SLC7A8: variants seen among roughly 807,000 people sequenced by gnomAD.
The protein encoded by SLC7A8 is large neutral amino acids transporter small subunit 2.
Under a neutral mutation model 51.2 loss-of-function variants are expected in SLC7A8, and 30 were observed. The ratio of observed to expected loss-of-function variants is 0.59; its 90% CI spans 0.44 to 0.80. The LOEUF (loss-of-function observed/expected upper bound fraction) is 0.80. Ranked by LOEUF, SLC7A8 falls within the 30% of genes least tolerant of loss-of-function variation. SLC7A8 has a pLI of 0.00. For synonymous variants in SLC7A8, 257 were observed against 275.8 expected, an observed-to-expected ratio of 0.93 and a Z score of 0.67; for missense variants, 612 against 674.4, an observed-to-expected ratio of 0.91 and a Z score of 1.03.
At chr14:23,135,869 A>T (rs2048685803) in intron 7 of SLC7A8, among the ~76,000 whole-genome samples, 1 of 152,196 alleles carries the variant, frequency 6.6e-6, no homozygotes, top group African/African-American at 2.4e-5. Context: ...TCTATTATAT[A>T]CATATGAATA....
Position 23,138,037 on chromosome 14 carries a change from C to A in SLC7A8, c.913-13G>T, listed in dbSNP as rs1015089. On this transcript the variant is annotated splice_polypyrimidine_tract_variant and intron_variant, in intron 6 of 10. Coordinates refer to ENST00000316902, the MANE Select transcript of SLC7A8 (RefSeq NM_012244.4). ...TCTCTCCAAAAGTCTGGGAGAGGAA[C>A]CAAGGAGATAAGCAAAGGAGAGGTC... 611,596 of 1,613,194 alleles carry A rather than the reference C, an allele frequency of 0.38. 118,185 individuals are homozygous for A. Among genetic ancestry groups the A allele is most frequent in the South Asian group, 0.47 (42,985 of 91,062 alleles).
At chr14:23,127,901 G>A (rs1161769074) in intron 10 of SLC7A8, 118 bp downstream of exon 10, 8 of 858,220 alleles carry the variant, frequency 9.3e-6, no homozygotes, top group Non-Finnish European at 1.5e-5. Context: ...AGGGCTCTGT[G>A]GACTGAGGAG....
At chr14:23,134,018 G>A (rs6572985) in intron 7 of SLC7A8, among the ~76,000 whole-genome samples, 87,832 of 151,694 alleles carry the variant, frequency 0.58, 25,998 homozygotes, top group Middle Eastern at 0.68. Flanking sequence ...ATGGCTCACT[G>A]TAGCCTTGAC....
chr14:23,179,082 T>A (rs1301722117), intron 1 of SLC7A8, among the ~76,000 whole-genome samples: 1 of 152,126 alleles, frequency 6.6e-6, no homozygotes, highest in African/African-American at 2.4e-5. Context: ...TTAGTCATTA[T>A]GCTTTTACCT....
intron 1 of SLC7A8, among the ~76,000 whole-genome samples, chr14:23,174,714 TC>T (rs1458461967): frequency 1.3e-5 from 2 of 152,214 alleles, no homozygotes. Flanking sequence ...CTGCTCCCAC[TC>T]CTGCAGCAGA....
intron 3 of SLC7A8, among the ~76,000 whole-genome samples, chr14:23,155,857 CAGA>C (rs1412802336): frequency 6.6e-6 from 1 of 152,098 alleles, no homozygotes; most frequent in Non-Finnish European, 1.5e-5. Context: ...GTTCTTGGAC[CAGA>C]AGGCTTGTAG....
chr14:23,155,698 A>C (rs953759403), intron 3 of SLC7A8, among the ~76,000 whole-genome samples: 1 of 151,724 alleles, frequency 6.6e-6, no homozygotes, highest in African/African-American at 2.4e-5. Flanking sequence ...TCACACACCA[A>C]TTCTCAGGGC....
chr14:23,139,273 C>T, intron 6 of SLC7A8, 151 bp downstream of exon 6: 2 of 1,222,808 alleles, frequency 1.6e-6, no homozygotes, highest in Admixed American at 1.8e-5. Context: ...AAAGATACCC[C>T]AGCCAATGAC....
Position 23,158,929 on chromosome 14 carries a change from AT to A in SLC7A8, c.508+6355del, listed in dbSNP as rs2048907772. Among the ~76,000 whole-genome samples the A allele has an allele frequency of 2.6e-5, 4 of 152,132 alleles. No individual in the cohort carries two copies. The South Asian group carries it at 8.3e-4, about 32-fold the overall frequency. ...TTCTTTCCCAAATGTGAACCTAATC[AT>A]GTGACTCCTCTGCTCAAAATCTTTC... On this transcript the variant is annotated intron_variant, in intron 3 of 10. Transcript: ENST00000316902.
At chr14:23,164,821 A>G (rs894357799) in intron 3 of SLC7A8, among the ~76,000 whole-genome samples, 1 of 151,952 alleles carries the variant, frequency 6.6e-6, no homozygotes, top group Non-Finnish European at 1.5e-5. Flanking sequence ...GTGAAACCCC[A>G]TCTCTACAAA....
At chr14:23,139,367 G>A in intron 6 of SLC7A8, 57 bp downstream of exon 6, 1 of 1,611,294 alleles carries the variant, frequency 6.2e-7, no homozygotes, top group Non-Finnish European at 8.5e-7. Context: ...TGGGGCTACA[G>A]CAGGCAAGTC....
intron 3 of SLC7A8, chr14:23,155,358 T>C (rs1014686452): frequency 2.6e-6 from 4 of 1,516,960 alleles, no homozygotes; most frequent in Non-Finnish European, 3.5e-6. Flanking sequence ...TACTGCCCCA[T>C]CCCCTCCCCT....
intron 3 of SLC7A8, among the ~76,000 whole-genome samples, chr14:23,154,792 C>T (rs545223975): frequency 6.6e-6 from 1 of 152,106 alleles, no homozygotes; most frequent in Non-Finnish European, 1.5e-5. Flanking sequence ...CTTCACAGAA[C>T]CCTCCTAGAA....
At position 23,126,807 on chromosome 14, in the gene SLC7A8, T is replaced by A. The variant is rs771003763; in HGVS notation, c.*370A>T. ...CCCACAATGCAGCTCCTGTGGCCTCTCCTCTCTGAAGGGGCCTCCCTGGGA... is the reference window on the plus strand; with the variant it reads ...CCCACAATGCAGCTCCTGTGGCCTCACCTCTCTGAAGGGGCCTCCCTGGGA... On this transcript the variant is annotated 3_prime_UTR_variant, in exon 11 of 11. Transcript: ENST00000316902. The A allele has an allele frequency of 3.5e-6, 1 of 287,130 alleles. No individual in the cohort carries two copies. The allele number at this position is 287,130 out of a possible 1,614,324, so 17.8% of individuals were successfully genotyped here. A position where few individuals can be genotyped will look rare whatever the true frequency, so the allele number is the denominator to read the frequency against.
At position 23,147,625 on chromosome 14, in the gene SLC7A8, G is replaced by T. The variant is rs545299673; in HGVS notation, c.509-4421C>A. On this transcript the variant is annotated intron_variant, in intron 3 of 10. Transcript: ENST00000316902. Reference sequence around the variant, plus strand: ...TACTGCTTCTTTAGAGGCCCTCATGGAATTCCAGGCTTGTATGTATTTTTT... The same window carrying T: ...TACTGCTTCTTTAGAGGCCCTCATGTAATTCCAGGCTTGTATGTATTTTTT... Among the ~76,000 whole-genome samples the T allele has an allele frequency of 6.3e-4, 96 of 152,274 alleles. 1 individual carries two copies. The highest frequency in any genetic ancestry group is 5.8e-3 in the South Asian group (28 of 4,828).
At chr14:23,135,612 G>A (rs925883088) in intron 7 of SLC7A8, among the ~76,000 whole-genome samples, 6 of 152,038 alleles carry the variant, frequency 3.9e-5, no homozygotes, top group South Asian at 2.1e-4. Flanking sequence ...TGAGGCAGGA[G>A]AATGGCGTGA....
intron 6 of SLC7A8, among the ~76,000 whole-genome samples, chr14:23,139,110 C>T (rs889921037): frequency 1.9e-4 from 29 of 152,106 alleles, no homozygotes; most frequent in African/African-American, 6.5e-4. Flanking sequence ...TTTAAGTGCC[C>T]GAGACTAGGA....
intron 6 of SLC7A8, 54 bp from the exon 7 acceptor site, chr14:23,138,078 C>T: frequency 1.3e-6 from 2 of 1,598,622 alleles, no homozygotes; most frequent in Non-Finnish European, 1.7e-6. Flanking sequence ...TCCCCGACCC[C>T]TCAGCTCCCA....
At chr14:23,127,466 T>C (rs1594813380) in intron 10 of SLC7A8, 123 bp from the exon 11 acceptor site, 4 of 1,145,024 alleles carry the variant, frequency 3.5e-6, no homozygotes, top group Non-Finnish European at 5.0e-6. Context: ...AGTCAGTGCG[T>C]TGAAGAGAAT....
Sources: gnomAD v4.1 joint callset for allele counts (sites outside exome capture counted in the v4.1 genomes callset) on GRCh38, gnomAD v4.1.1 for gene constraint, MANE v1.5 for transcripts, NCBI Gene and HGNC (gene_info 2026-07-23, HGNC 2026-07-21) for gene names.